Variants in RBFOX1 observed in about 807,000 individuals in gnomAD.
The protein encoded by RBFOX1 is RNA binding fox-1 homolog 1, also known as RNA binding protein fox-1 homolog 1.
RBFOX1 carries 8 observed loss-of-function variants against 57.7 expected under a neutral mutation model. The ratio of observed to expected loss-of-function variants is 0.14; its 90% CI spans 0.08 to 0.25. The LOEUF (loss-of-function observed/expected upper bound fraction) is 0.25. RBFOX1 is among the 10% of genes least tolerant of loss of function. The pLI is 1.00. For synonymous variants in RBFOX1, 326 were observed against 222.4 expected, an observed-to-expected ratio of 1.47 and a Z score of -4.15; for missense variants, 611 against 548.5, an observed-to-expected ratio of 1.11 and a Z score of -1.14.
intron 4 of RBFOX1, among the ~76,000 whole-genome samples, chr16:5,985,708 T>G (rs563188923): frequency 6.6e-6 from 1 of 152,208 alleles, no homozygotes; most frequent in Non-Finnish European, 1.5e-5. Flanking sequence ...TTTAGGCAGT[T>G]GCACACGCAT....
intron 2 of RBFOX1, among the ~76,000 whole-genome samples, chr16:6,443,100 C>T (rs2094418826): frequency 6.6e-6 from 1 of 152,120 alleles, no homozygotes; most frequent in Non-Finnish European, 1.5e-5. Context: ...CAGTTCCCAG[C>T]CCCCAGTTTT....
intron 3 of RBFOX1, among the ~76,000 whole-genome samples, chr16:6,914,779 C>G (rs747604868): frequency 6.6e-6 from 1 of 152,112 alleles, no homozygotes; most frequent in Non-Finnish European, 1.5e-5. Context: ...AAGGCTGAAG[C>G]AAGGAGGCAG....
chr16:6,987,687 G>C (rs1386080341), intron 3 of RBFOX1, among the ~76,000 whole-genome samples: 1 of 152,170 alleles, frequency 6.6e-6, no homozygotes, highest in African/African-American at 2.4e-5. Flanking sequence ...CTAGAAGTGT[G>C]AACTTGGAAA....
At chr16:6,068,514 T>C (rs574066335) in intron 1 of RBFOX1, among the ~76,000 whole-genome samples, 15 of 152,248 alleles carry the variant, frequency 9.9e-5, no homozygotes, top group Admixed American at 3.9e-4. Context: ...ACAAGTTTTA[T>C]TGGGGTTGTG....
Position 5,353,018 on chromosome 16 carries a change from C to G in RBFOX1, c.219+112913C>G, listed in dbSNP as rs772480925. ...ATTTTTCTGATACTATTCTTTATGG[C>G]TTAAAAAGAAATCCAGTGTTGAGAG... On this transcript the variant is annotated intron_variant, in intron 1 of 2. Transcript: ENST00000585867. Among the ~76,000 whole-genome samples the G allele has an allele frequency of 1.2e-3, 175 of 152,146 alleles. 1 individual carries two copies. The highest frequency in any genetic ancestry group is 1.2e-3 in the Non-Finnish European group (79 of 68,022).
At chr16:5,630,589 C>G (rs914100033) in intron 3 of RBFOX1, among the ~76,000 whole-genome samples, 1 of 152,168 alleles carries the variant, frequency 6.6e-6, no homozygotes, top group Non-Finnish European at 1.5e-5. Context: ...TGGCGGGTGG[C>G]TTTCATGATA....
At chr16:5,388,843 C>T (rs774885816) in intron 1 of RBFOX1, among the ~76,000 whole-genome samples, 26 of 151,534 alleles carry the variant, frequency 1.7e-4, no homozygotes, top group Non-Finnish European at 2.7e-4. Context: ...TCCCAAAGTG[C>T]TGGGATTACA....
intron 4 of RBFOX1, among the ~76,000 whole-genome samples, chr16:7,176,985 G>T (rs1432415371): frequency 6.6e-6 from 1 of 152,042 alleles, no homozygotes; most frequent in Non-Finnish European, 1.5e-5. Flanking sequence ...GTTTTCAATA[G>T]AAAAATAAAA....
At chr16:7,705,281 A>T (rs141033501) in intron 14 of RBFOX1, among the ~76,000 whole-genome samples, 15 of 152,184 alleles carry the variant, frequency 9.9e-5, no homozygotes, top group Non-Finnish European at 1.5e-4. Flanking sequence ...CCGAGGCAGG[A>T]GGATCACGAG....
chr16:5,380,944 T>C (rs1369307806), intron 1 of RBFOX1, among the ~76,000 whole-genome samples: 1 of 152,238 alleles, frequency 6.6e-6, no homozygotes, highest in Non-Finnish European at 1.5e-5. Flanking sequence ...TGCACTAAAA[T>C]GGCACTGCCC....
chr16:6,502,879 T>C (rs1285815010), intron 2 of RBFOX1, among the ~76,000 whole-genome samples: 1 of 152,194 alleles, frequency 6.6e-6, no homozygotes, highest in Non-Finnish European at 1.5e-5. Context: ...GTCCGTTTTA[T>C]AGCAATGCCA....
At chr16:6,741,380 T>G (rs1335179979) in intron 3 of RBFOX1, among the ~76,000 whole-genome samples, 5 of 152,120 alleles carry the variant, frequency 3.3e-5, no homozygotes, top group African/African-American at 1.2e-4. Context: ...CATCAAAATT[T>G]GGCTGGACGG....
chr16:5,320,861 C>T (rs547321148), intron 1 of RBFOX1, among the ~76,000 whole-genome samples: 15 of 152,276 alleles, frequency 9.9e-5, no homozygotes, highest in African/African-American at 2.4e-4. Context: ...GCTGTGTGTG[C>T]GCAGCTGAAC....
intron 2 of RBFOX1, among the ~76,000 whole-genome samples, chr16:5,536,099 C>CCT (rs56225521): frequency 6.8e-6 from 1 of 146,750 alleles, no homozygotes; most frequent in Non-Finnish European, 1.5e-5. Flanking sequence ...CATCAAGCCC[C>CCT]CCCCCCCTTT....
At chr16:7,099,408 G>T (rs895149725) in intron 4 of RBFOX1, among the ~76,000 whole-genome samples, 8 of 152,170 alleles carry the variant, frequency 5.3e-5, no homozygotes, top group Non-Finnish European at 8.8e-5. Flanking sequence ...GCTAATACCA[G>T]AAGGGGAATG....
At chr16:5,468,601 C>T (rs2069028565) in intron 2 of RBFOX1, among the ~76,000 whole-genome samples, 1 of 152,202 alleles carries the variant, frequency 6.6e-6, no homozygotes, top group Non-Finnish European at 1.5e-5. Context: ...CACATGGACA[C>T]ACGACTTCAC....
intron 2 of RBFOX1, among the ~76,000 whole-genome samples, chr16:6,379,721 G>T (rs2091595233): frequency 6.6e-6 from 1 of 151,530 alleles, no homozygotes; most frequent in African/African-American, 2.4e-5. Context: ...CTGTAATCAT[G>T]ATGGTGGGAA....
chr16:6,570,274 T>C (rs2097326971), intron 2 of RBFOX1, among the ~76,000 whole-genome samples: 1 of 152,242 alleles, frequency 6.6e-6, no homozygotes, highest in South Asian at 2.1e-4. Context: ...TAAGATACTC[T>C]TTTGTTTTGA....
intron 4 of RBFOX1, among the ~76,000 whole-genome samples, chr16:7,236,285 G>A (rs969620893): frequency 6.6e-6 from 1 of 152,222 alleles, no homozygotes; most frequent in Non-Finnish European, 1.5e-5. Flanking sequence ...TTAATAGGAT[G>A]TATTTAACAC....
Sources: allele counts gnomAD v4.1 joint callset (sites outside exome capture counted in the v4.1 genomes callset), GRCh38; gene constraint gnomAD v4.1.1; transcripts MANE v1.5; gene names NCBI Gene and HGNC (gene_info 2026-07-23, HGNC 2026-07-21).